The following ENOX1 variants were observed in gnomAD, a reference collection of about 807,000 sequenced individuals.
ENOX1 encodes the protein ecto-NOX disulfide-thiol exchanger 1.
ENOX1 carries 42 observed loss-of-function variants against 82.5 expected under a neutral mutation model. The observed-to-expected ratio is 0.51, with a 90% CI of 0.40 to 0.66. ENOX1 has a LOEUF of 0.66. ENOX1 is among the 30% of genes least tolerant of loss of function. The pLI, the probability that ENOX1 is intolerant of heterozygous loss-of-function variation, is 0.00. For missense variants in ENOX1, 608 were observed against 811.6 expected (o/e 0.75, Z 3.05); for synonymous variants, 271 against 282.2 (o/e 0.96, Z 0.40).
intron 14 of ENOX1, among the ~76,000 whole-genome samples, chr13:43,246,199 C>A (rs186979629): frequency 1.6e-4 from 25 of 152,328 alleles, no homozygotes; most frequent in Admixed American, 1.6e-3. Flanking sequence ...TCTTAATTTA[C>A]AGGTTAAGAA....
chr13:43,389,583 T>C (rs2052640619), intron 5 of ENOX1, among the ~76,000 whole-genome samples: 1 of 152,216 alleles, frequency 6.6e-6, no homozygotes, highest in South Asian at 2.1e-4. Context: ...ATTTCCTTTT[T>C]TAAAAATGAC....
chr13:43,432,452 A>C lies in ENOX1; in HGVS notation c.-74-19464T>G, dbSNP rs569555076. ...ACGCCAGTTCGAGACCAGCCTGGCC[A>C]ACATGGTGAAACCCCATCTCTACTA... On this transcript the variant is annotated intron_variant, in intron 3 of 16. Transcript: ENST00000690772. Among the ~76,000 whole-genome samples the C allele has an allele frequency of 7.2e-5, 11 of 152,220 alleles. No individual in the cohort carries two copies. The East Asian group carries it at 1.9e-3, about 27-fold the overall frequency.
At chr13:43,768,921 C>G (rs1420481297) in intron 1 of ENOX1, among the ~76,000 whole-genome samples, 1 of 152,190 alleles carries the variant, frequency 6.6e-6, no homozygotes, top group Non-Finnish European at 1.5e-5. Flanking sequence ...GTGAATCTCT[C>G]CAATGCCATA....
intron 2 of ENOX1, among the ~76,000 whole-genome samples, chr13:43,650,626 G>A (rs1005167642): frequency 2.0e-5 from 3 of 150,768 alleles, no homozygotes; most frequent in Admixed American, 2.0e-4. Flanking sequence ...ATCATCTGAG[G>A]TCAGGAGTTC....
At chr13:43,440,161 T>A (rs1313440735) in intron 3 of ENOX1, among the ~76,000 whole-genome samples, 1 of 152,194 alleles carries the variant, frequency 6.6e-6, no homozygotes, top group African/African-American at 2.4e-5. Context: ...TCCTGTTCCT[T>A]ATCTATTAAT....
chr13:43,317,341 C>A (rs890197786), intron 11 of ENOX1, among the ~76,000 whole-genome samples: 1 of 152,138 alleles, frequency 6.6e-6, no homozygotes, highest in Non-Finnish European at 1.5e-5. Context: ...TATTTAGTAA[C>A]CCTCTCCTTC....
chr13:43,599,951 G>T (rs1158985636), intron 2 of ENOX1, among the ~76,000 whole-genome samples: 1 of 151,742 alleles, frequency 6.6e-6, no homozygotes, highest in Admixed American at 6.6e-5. Context: ...AGAAGAAAAG[G>T]ACCCAATCTT....
intron 2 of ENOX1, among the ~76,000 whole-genome samples, chr13:43,494,985 C>A (rs1423336754): frequency 6.6e-6 from 1 of 152,066 alleles, no homozygotes; most frequent in African/African-American, 2.4e-5. Context: ...AGAACACTGA[C>A]AGAATGTGGA....
chr13:43,461,535 A>C (rs114923021), intron 3 of ENOX1, among the ~76,000 whole-genome samples: 2 of 152,190 alleles, frequency 1.3e-5, no homozygotes, highest in East Asian at 1.9e-4. Flanking sequence ...CACGGACTCT[A>C]TAAGTAGAAT....
At chr13:43,456,970 C>T (rs1374069979) in intron 3 of ENOX1, among the ~76,000 whole-genome samples, 2 of 73,890 alleles carry the variant, frequency 2.7e-5, no homozygotes, top group Admixed American at 3.5e-4. Flanking sequence ...ATCTCACATT[C>T]AGTAGCCTCT....
chr13:43,340,082 G>C (rs538449547), intron 9 of ENOX1, among the ~76,000 whole-genome samples: 1 of 152,214 alleles, frequency 6.6e-6, no homozygotes, highest in Non-Finnish European at 1.5e-5. Flanking sequence ...AGGGAAATTC[G>C]GGACAGGAAA....
chr13:43,646,268 C>T (rs147834804), intron 2 of ENOX1, among the ~76,000 whole-genome samples: 16 of 152,292 alleles, frequency 1.1e-4, no homozygotes, highest in South Asian at 2.1e-4. Flanking sequence ...ATCAGGCAGG[C>T]TAACTTGTTA....
chr13:43,370,873 C>T (rs564339571), intron 5 of ENOX1, among the ~76,000 whole-genome samples: 4 of 151,940 alleles, frequency 2.6e-5, no homozygotes, highest in East Asian at 3.9e-4. Flanking sequence ...CTTTTTGTCC[C>T]CACAAACTGT....
chr13:43,276,027 C>G (rs574969122), intron 12 of ENOX1, among the ~76,000 whole-genome samples: 48 of 152,312 alleles, frequency 3.2e-4, no homozygotes, highest in Middle Eastern at 3.4e-3. Flanking sequence ...TTTGAACCCA[C>G]AGAATGTTAT....
intron 3 of ENOX1, among the ~76,000 whole-genome samples, chr13:43,472,060 GCTTTGTA>G (rs2058093479): frequency 6.6e-6 from 1 of 151,438 alleles, no homozygotes; most frequent in South Asian, 2.1e-4. Flanking sequence ...AGCAATCCCA[GCTTTGTA>G]AGTTACTAGC....
chr13:43,429,323 C>T (rs1036496051), intron 3 of ENOX1, among the ~76,000 whole-genome samples: 2 of 152,266 alleles, frequency 1.3e-5, no homozygotes, highest in African/African-American at 4.8e-5. Flanking sequence ...GAAATGCTTT[C>T]GACTACGATG....
chr13:43,223,977 T>G (rs2041913264), intron 16 of ENOX1, 76 bp downstream of exon 16: 1 of 1,117,516 alleles, frequency 8.9e-7, no homozygotes, highest in Non-Finnish European at 1.3e-6. Context: ...GTTCAGTTCA[T>G]GCAGAGTCCA....
At chr13:43,565,677 T>C (rs2079886799) in intron 2 of ENOX1, among the ~76,000 whole-genome samples, 1 of 152,208 alleles carries the variant, frequency 6.6e-6, no homozygotes, top group Non-Finnish European at 1.5e-5. Context: ...GATTCTTGCC[T>C]TTTGTTTCCT....
intron 14 of ENOX1, among the ~76,000 whole-genome samples, chr13:43,250,919 T>C (rs2043417089): frequency 6.6e-6 from 1 of 152,226 alleles, no homozygotes; most frequent in Non-Finnish European, 1.5e-5. Context: ...TAGCCTGTCC[T>C]GGGGTGGAGA....
Sources: allele counts gnomAD v4.1 joint callset (sites outside exome capture counted in the v4.1 genomes callset), GRCh38; gene constraint gnomAD v4.1.1; transcripts MANE v1.5; gene names NCBI Gene and HGNC (gene_info 2026-07-23, HGNC 2026-07-21).